The following MTHFSD variants were observed in gnomAD, a reference collection of about 807,000 sequenced individuals.
MTHFSD encodes the protein methenyltetrahydrofolate synthase domain-containing protein.
MTHFSD carries 37 observed loss-of-function variants against 31.1 expected under a neutral mutation model. The ratio of observed to expected loss-of-function variants is 1.19; its 90% CI spans 0.91 to 1.56. The LOEUF (loss-of-function observed/expected upper bound fraction) is 1.56. Ranked by LOEUF, MTHFSD falls within the 40% of genes most tolerant of loss-of-function variation. The probability of loss-of-function intolerance (pLI) is 0.00; values close to 1 mark genes in which losing one functional copy is unlikely to be tolerated. For synonymous variants in MTHFSD, 221 were observed against 206.9 expected (o/e 1.07, Z -0.59); for missense variants, 664 against 510.1 (o/e 1.30, Z -2.91).
rs553029733 is a variant in MTHFSD, at chr16:86,532,328, G to A, written c.835C>T (p.Pro279Ser). ...QTVPLSVGRR[P>S]PDTPGPETNS... ...GTTTCTGGTCCGGGTGTGTCCGGGGGCCTCCTGCCAACACTCAGGGGCACT... is the reference window on the plus strand; with the variant it reads ...GTTTCTGGTCCGGGTGTGTCCGGGGACCTCCTGCCAACACTCAGGGGCACT... Residue 279 changes from proline to serine, a missense_variant, in exon 8 of 8, where the codon CCC (proline) becomes TCC (serine). Coordinates refer to ENST00000360900, the MANE Select transcript of MTHFSD (RefSeq NM_001159377.2). The A allele has an allele frequency of 4.4e-6, 7 of 1,595,430 alleles. No homozygotes were observed. The highest frequency in any genetic ancestry group is 4.0e-5 in the African/African-American group (3 of 74,430).
intron 5 of MTHFSD, among the ~76,000 whole-genome samples, chr16:86,545,021 A>C (rs1972077560): frequency 6.6e-6 from 1 of 152,206 alleles, no homozygotes; most frequent in South Asian, 2.1e-4. Flanking sequence ...ACATATGGAC[A>C]CAGGGAGGGG....
Position 86,532,245 on chromosome 16 carries a change from G to T in MTHFSD, c.918C>A (p.Ala306=), listed in dbSNP as rs760286282. The T allele has an allele frequency of 1.3e-5, 21 of 1,568,442 alleles. No individual in the cohort carries two copies. Among genetic ancestry groups the T allele is most frequent in the Non-Finnish European group, 1.8e-5 (21 of 1,158,296 alleles). Residue 306 remains alanine, a synonymous_variant, in exon 8 of 8, where the codon GCC becomes GCA. Coordinates refer to ENST00000360900, the MANE Select transcript of MTHFSD (RefSeq NM_001159377.2). ...SPPGEGAPLA[A]DVYVGNLPGD... is the part of the protein sequence containing the mutation. ...CGGGGAGGTTCCCAACGTAAACATC[G>T]GCTGCAAGCGGGGCACCCTCCCCTG... is the stretch of plus-strand genomic sequence containing the variant.
intron 1 of MTHFSD, 145 bp downstream of exon 1, chr16:86,555,024 G>T (rs761417451): frequency 5.1e-5 from 73 of 1,437,164 alleles, no homozygotes; most frequent in Non-Finnish European, 6.6e-5. Context: ...CCCGAACCCA[G>T]CACAGACCCC....
chr16:86,553,978 G>C (rs527668271), intron 2 of MTHFSD, among the ~76,000 whole-genome samples: 1 of 152,342 alleles, frequency 6.6e-6, no homozygotes, highest in African/African-American at 2.4e-5. Flanking sequence ...GTCTAGCTCA[G>C]GGATTGTAAA....
At chr16:86,548,260 T>G in intron 4 of MTHFSD, 2 of 921,504 alleles carry the variant, frequency 2.2e-6, no homozygotes, top group South Asian at 3.3e-5. Context: ...AAATAGAAAC[T>G]GAGTTACAGA....
chr16:86,548,117 G>C, intron 4 of MTHFSD: 1 of 1,296,366 alleles, frequency 7.7e-7, no homozygotes, highest in Middle Eastern at 2.1e-4. Context: ...GGCACCTGAT[G>C]AACAGGCCGG....
chr16:86,547,813 G>T (rs1025613527), intron 4 of MTHFSD, among the ~76,000 whole-genome samples: 1 of 152,074 alleles, frequency 6.6e-6, no homozygotes, highest in Non-Finnish European at 1.5e-5. Context: ...ATAAAAAAGC[G>T]TATCTTCAAT....
At chr16:86,534,511 G>A (rs990564229) in intron 7 of MTHFSD, among the ~76,000 whole-genome samples, 4 of 151,798 alleles carry the variant, frequency 2.6e-5, no homozygotes, top group Admixed American at 6.6e-5. Context: ...GAATGAGAAC[G>A]ACCTAAGCCC....
chr16:86,534,323 G>A (rs3866634), intron 7 of MTHFSD, among the ~76,000 whole-genome samples: 13,753 of 152,232 alleles, frequency 0.09, 835 homozygotes, highest in South Asian at 0.23. Flanking sequence ...TTGTATATTT[G>A]CTGGCTCAGA....
At chr16:86,550,349 G>A (rs1264343970) in intron 3 of MTHFSD, among the ~76,000 whole-genome samples, 1 of 152,212 alleles carries the variant, frequency 6.6e-6, no homozygotes, top group Non-Finnish European at 1.5e-5. Context: ...ATAAATGATG[G>A]CATGAAGCAA....
At chr16:86,548,411 C>A in intron 4 of MTHFSD, 53 bp downstream of exon 4, 1 of 1,399,522 alleles carries the variant, frequency 7.1e-7, no homozygotes, top group Non-Finnish European at 1.0e-6. Context: ...TCGTCAGAAG[C>A]CTTCACAGGG....
At position 86,541,713 on chromosome 16, in the gene MTHFSD, C is replaced by T. The variant is rs751548549; in HGVS notation, c.665G>A (p.Gly222Glu). The change falls in exon 7 of 8, where the codon GGA becomes GAA. Residue 222 changes from glycine to glutamate, a missense_variant. Gly to Glu is a moderately conservative substitution (Grantham distance 98, BLOSUM62 -2). Transcript: ENST00000360900. ...ATGCKRPKPM[G>E]ITWFKISLEM... ...GTGACCCACCTTGAACCAGGTGATT[C>T]CCATTGGCTTTGGGCGCTTGCAGCC... is the stretch of plus-strand genomic sequence containing the variant. 6.2e-7 allele frequency: 1 copy of T among 1,613,586 alleles called. No homozygotes were observed. Among genetic ancestry groups the T allele is most frequent in the Admixed American group, 1.7e-5 (1 of 59,926 alleles).
chr16:86,555,039 G>A, intron 1 of MTHFSD, 130 bp downstream of exon 1: 1 of 1,464,418 alleles, frequency 6.8e-7, no homozygotes, highest in Middle Eastern at 1.8e-4. Flanking sequence ...GACCCCCTCT[G>A]ACCTCCTCGG....
Position 86,542,120 on chromosome 16 carries a change from G to A in MTHFSD, c.536C>T (p.Thr179Ile). ...GAGCACCTGGCAGTCGTGGACGATG[G>A]TGACCACCGGCGTCTCCTTGCTGAC... ...GAVSKETPVVTIVHDCQVVDI... is the reference protein window; with the variant it reads ...GAVSKETPVVIIVHDCQVVDI... Residue 179 changes from threonine (T) to isoleucine (I), a missense_variant, in exon 6 of 8, where the codon ACC becomes ATC. Physicochemically the swap from Thr to Ile is moderately conservative, Grantham distance 89. Transcript: ENST00000360900. The surrounding 1 kb of genome is among the most constrained non-coding windows in gnomAD (Gnocchi z 4.6). 6.2e-7 allele frequency: 1 copy of A among 1,613,620 alleles called. No homozygotes were observed. Among genetic ancestry groups the A allele is most frequent in the East Asian group, 2.2e-5 (1 of 44,874 alleles).
intron 7 of MTHFSD, among the ~76,000 whole-genome samples, chr16:86,536,942 C>T (rs552726610): frequency 2.6e-5 from 4 of 152,318 alleles, no homozygotes; most frequent in Admixed American, 1.3e-4. Context: ...CGGTGTCACC[C>T]TACACACGTC....
chr16:86,532,897 C>G (rs895703458), intron 7 of MTHFSD: 1 of 154,440 alleles, frequency 6.5e-6, no homozygotes, highest in Non-Finnish European at 1.4e-5. Context: ...CCTAATGACC[C>G]CCCCAGAATA....
chr16:86,538,667 G>A (rs1002481700), intron 7 of MTHFSD, among the ~76,000 whole-genome samples: 18 of 152,182 alleles, frequency 1.2e-4, no homozygotes, highest in African/African-American at 4.1e-4. Context: ...GAGAGACATC[G>A]CACGACTGTC....
intron 2 of MTHFSD, chr16:86,552,393 A>AC: frequency 1.0e-6 from 1 of 978,716 alleles, no homozygotes; most frequent in Non-Finnish European, 1.5e-6. Flanking sequence ...ACAGGCACTA[A>AC]CAGTCACCCA....
In MTHFSD at chr16:86,531,477, C is replaced by T. The variant is rs1161564927; in HGVS notation, c.*534G>A. 1 of 152,256 alleles carries T rather than the reference C, an allele frequency of 6.6e-6. No homozygotes were observed. Among genetic ancestry groups the T allele is most frequent in the Non-Finnish European group, 1.5e-5 (1 of 68,088 alleles). 9.4% of individuals were successfully genotyped at this position (152,256 alleles called of 1,614,324 possible). On this transcript the variant is annotated 3_prime_UTR_variant, in exon 8 of 8. Transcript: ENST00000360900. This position sits in a 1 kb window ranked among gnomAD's most constrained non-coding sequence, Gnocchi z 5.5. Reference sequence around the variant, plus strand: ...GGACTGATCTGAGCTGCAGTGAGCACTTTTTACCCAGGGGCTGAGCTTCCT... The same window carrying T: ...GGACTGATCTGAGCTGCAGTGAGCATTTTTTACCCAGGGGCTGAGCTTCCT...
Sources: allele counts gnomAD v4.1 joint callset (sites outside exome capture counted in the v4.1 genomes callset), GRCh38; gene constraint gnomAD v4.1.1; non-coding constraint Gnocchi (gnomAD v3.1); transcripts MANE v1.5; gene names NCBI Gene and HGNC (gene_info 2026-07-23, HGNC 2026-07-21).